Variants in OSBPL1A observed in about 807,000 individuals in gnomAD.
The protein encoded by OSBPL1A is oxysterol-binding protein-related protein 1.
Under a neutral mutation model 137.1 loss-of-function variants are expected in OSBPL1A, and 80 were observed. The observed-to-expected ratio is 0.58, with a 90% CI of 0.49 to 0.70. The LOEUF is 0.70. Ranked by LOEUF, OSBPL1A falls within the 30% of genes least tolerant of loss-of-function variation. The pLI is 0.00. For missense variants in OSBPL1A, 970 were observed against 1,129.4 expected (o/e 0.86, Z 2.02); for synonymous variants, 365 against 389.7 (o/e 0.94, Z 0.75).
intron 14 of OSBPL1A, among the ~76,000 whole-genome samples, chr18:24,299,406 C>T (rs1403953005): frequency 6.6e-6 from 1 of 152,032 alleles, no homozygotes; most frequent in East Asian, 1.9e-4. Flanking sequence ...CTCCTTTTGG[C>T]ATTTCTTGTA....
chr18:24,324,557 A>G lies in OSBPL1A; in HGVS notation c.626-5748T>C, dbSNP rs1454404597. ...ACCCATAGATAACTCACGTGTATACATTGGTGCGTATTTCCAGACTCCCAA... is the reference window on the plus strand; with the variant it reads ...ACCCATAGATAACTCACGTGTATACGTTGGTGCGTATTTCCAGACTCCCAA... On this transcript the variant is annotated intron_variant, in intron 7 of 27. Transcript: ENST00000319481. Among the ~76,000 whole-genome samples the G allele has an allele frequency of 3.6e-5, 2 of 56,186 alleles. 1 individual carries two copies. The highest frequency in any genetic ancestry group is 7.3e-5 in the Non-Finnish European group (2 of 27,512). 36.9% of individuals were successfully genotyped at this position (56,186 alleles called of 152,430 possible).
rs185419946 is a variant in OSBPL1A at position 24,246,623 on chromosome 18, T to C, written c.1282-7241A>G. Among the ~76,000 whole-genome samples the C allele has an allele frequency of 4.2e-3, 631 of 151,982 alleles. 4 individuals are homozygous for C. The highest frequency in any genetic ancestry group is 0.015 in the South Asian group (74 of 4,802). Reference sequence around the variant, plus strand: ...CTGACCAACATGGTGAAACCCCGTCTCTACTAAAAATACAAAAATTAGCCA... The same window carrying C: ...CTGACCAACATGGTGAAACCCCGTCCCTACTAAAAATACAAAAATTAGCCA... On this transcript the variant is annotated intron_variant, in intron 15 of 27. Transcript: ENST00000319481.
intron 15 of OSBPL1A, among the ~76,000 whole-genome samples, chr18:24,257,481 A>G (rs1475139910): frequency 6.6e-6 from 1 of 152,222 alleles, no homozygotes; most frequent in Non-Finnish European, 1.5e-5. Flanking sequence ...AATCAAATCA[A>G]GATGGATTAA....
chr18:24,226,525 A>T (rs1177937229), intron 16 of OSBPL1A, among the ~76,000 whole-genome samples: 1 of 152,230 alleles, frequency 6.6e-6, no homozygotes, highest in Non-Finnish European at 1.5e-5. Context: ...ACATTCCAGC[A>T]AACTTCCTAT....
At chr18:24,254,665 T>C (rs573287186) in intron 15 of OSBPL1A, among the ~76,000 whole-genome samples, 11 of 152,074 alleles carry the variant, frequency 7.2e-5, no homozygotes, top group African/African-American at 2.2e-4. Flanking sequence ...CCAAAACCTA[T>C]GAGATACAGC....
At chr18:24,224,998 T>C in intron 17 of OSBPL1A, 44 bp downstream of exon 17, 1 of 1,609,548 alleles carries the variant, frequency 6.2e-7, no homozygotes, top group Non-Finnish European at 8.5e-7. Context: ...AAATGTACTT[T>C]ATCGTAAAAA....
At chr18:24,350,819 T>G (rs1343650073) in intron 4 of OSBPL1A, among the ~76,000 whole-genome samples, 2 of 152,034 alleles carry the variant, frequency 1.3e-5, no homozygotes, top group Non-Finnish European at 2.9e-5. Context: ...TTTCCAGACA[T>G]AAGAATTCTC....
At chr18:24,163,959 T>C (rs1167547522) in intron 27 of OSBPL1A, among the ~76,000 whole-genome samples, 1 of 152,164 alleles carries the variant, frequency 6.6e-6, no homozygotes, top group East Asian at 1.9e-4. Context: ...CTCGAACTCC[T>C]GACCTCATGA....
At chr18:24,199,195 C>T (rs936670573) in intron 17 of OSBPL1A, among the ~76,000 whole-genome samples, 7 of 151,918 alleles carry the variant, frequency 4.6e-5, no homozygotes, top group Non-Finnish European at 1.0e-4. Flanking sequence ...AAGACCGCCA[C>T]GCAGGAGGAC....
At chr18:24,373,304 C>T (rs749238833) in intron 2 of OSBPL1A, among the ~76,000 whole-genome samples, 1 of 152,124 alleles carries the variant, frequency 6.6e-6, no homozygotes, top group South Asian at 2.1e-4. Context: ...ATTTGGACCT[C>T]CTAGTAAAGT....
chr18:24,320,105 TG>T (rs909069864), intron 7 of OSBPL1A, among the ~76,000 whole-genome samples: 3 of 151,668 alleles, frequency 2.0e-5, no homozygotes, highest in African/African-American at 7.3e-5. Flanking sequence ...AAAGGGGGGC[TG>T]GGGGTGGTTT....
intron 24 of OSBPL1A, 68 bp from the exon 25 acceptor site, chr18:24,167,513 T>C: frequency 7.8e-7 from 1 of 1,288,348 alleles, no homozygotes; most frequent in Admixed American, 1.7e-5. Context: ...CACCACATAA[T>C]GACATTTTCA....
intron 18 of OSBPL1A, among the ~76,000 whole-genome samples, chr18:24,195,678 C>T (rs190028081): frequency 1.3e-5 from 2 of 152,200 alleles, no homozygotes; most frequent in Non-Finnish European, 2.9e-5. Context: ...TACCTCCCCC[C>T]ACATCAGATC....
rs529678395 is a variant in OSBPL1A, at chr18:24,164,623, T to A, written c.2750+442A>T. On this transcript the variant is annotated intron_variant, in intron 27 of 27. Coordinates refer to ENST00000319481, the MANE Select transcript of OSBPL1A (RefSeq NM_080597.4). ...TTTTGTATTTTTAGTAGAGACGGGG[T>A]TTCACCATGTTAGCCAGGATGGTCT... Among the ~76,000 whole-genome samples, 9 of 152,010 alleles carry A rather than the reference T, an allele frequency of 5.9e-5. No homozygotes were observed. The East Asian group carries it at 1.6e-3, about 26-fold the overall frequency.
chr18:24,382,371 C>G lies in OSBPL1A; in HGVS notation c.-2-4836G>C, dbSNP rs1385160856. 2.1e-5 allele frequency among the ~76,000 whole-genome samples: 3 copies of G among 145,100 alleles called. No homozygotes were observed. In the East Asian group the frequency reaches 6.2e-4, roughly 30 times the overall value. On this transcript the variant is annotated intron_variant, in intron 1 of 27. Transcript: ENST00000319481. Reference sequence around the variant, plus strand: ...GCAGTGAGCTGAGATTGTGCCACCGCACTCTAGCCTGGGCAACAGAGTGAG... The same window carrying G: ...GCAGTGAGCTGAGATTGTGCCACCGGACTCTAGCCTGGGCAACAGAGTGAG...
chr18:24,204,110 G>A (rs192577509), intron 17 of OSBPL1A, among the ~76,000 whole-genome samples: 1 of 152,234 alleles, frequency 6.6e-6, no homozygotes, highest in East Asian at 1.9e-4. Context: ...CCACAGATGC[G>A]GCCAGACTGC....
chr18:24,358,690 GAGAT>G (rs2091575498), intron 4 of OSBPL1A, among the ~76,000 whole-genome samples: 1 of 147,034 alleles, frequency 6.8e-6, no homozygotes, highest in Admixed American at 6.6e-5. Flanking sequence ...TATGTTAGGT[GAGAT>G]AGAGAGAATT....
intron 23 of OSBPL1A, chr18:24,170,678 A>G (rs538777218): frequency 6.1e-6 from 3 of 492,536 alleles, no homozygotes; most frequent in Middle Eastern, 1.1e-3. Flanking sequence ...ACAGAGTCTC[A>G]CTCTGTTACT....
chr18:24,288,773 A>AAAC (rs1465174925), intron 14 of OSBPL1A, among the ~76,000 whole-genome samples: 1 of 152,086 alleles, frequency 6.6e-6, no homozygotes, highest in Non-Finnish European at 1.5e-5. Flanking sequence ...TCAAAAAAAA[A>AAAC]AAAAAAAATT....
Sources: allele counts gnomAD v4.1 joint callset (sites outside exome capture counted in the v4.1 genomes callset), GRCh38; gene constraint gnomAD v4.1.1; transcripts MANE v1.5; gene names NCBI Gene and HGNC (gene_info 2026-07-23, HGNC 2026-07-21).